The following KSR2 variants were observed in gnomAD, a reference collection of about 807,000 sequenced individuals.
The protein encoded by KSR2 is kinase suppressor of ras 2.
In KSR2, 25 loss-of-function variants were observed where a neutral mutation model predicts 107.8. The ratio of observed to expected loss-of-function variants is 0.23; its 90% CI spans 0.17 to 0.32. KSR2 has a LOEUF of 0.32. KSR2 is among the 10% of genes least tolerant of loss of function. KSR2 has a pLI of 1.00. For synonymous variants in KSR2, 480 were observed against 507.0 expected (o/e 0.95, Z 0.71); for missense variants, 887 against 1,268.9 (o/e 0.70, Z 4.57).
At chr12:117,494,921 G>T (rs766966784) in intron 14 of KSR2, among the ~76,000 whole-genome samples, 13 of 152,228 alleles carry the variant, frequency 8.5e-5, no homozygotes, top group Non-Finnish European at 1.5e-4. Context: ...AAGGCCCTGA[G>T]GTAGGACAAC....
At chr12:117,828,755 T>C (rs77797793) in intron 3 of KSR2, among the ~76,000 whole-genome samples, 1,654 of 152,274 alleles carry the variant, frequency 0.011, 36 homozygotes, top group African/African-American at 0.038. Context: ...CACCTGGATG[T>C]CCCTCTGAAA....
At chr12:117,956,145 G>C (rs964621716) in intron 1 of KSR2, among the ~76,000 whole-genome samples, 1 of 150,604 alleles carries the variant, frequency 6.6e-6, no homozygotes. Flanking sequence ...AGCTACTCGG[G>C]AGGCTAAGGC....
chr12:117,883,057 CTCCATTCATCTATCCA>C (rs1175148129), intron 1 of KSR2, among the ~76,000 whole-genome samples: 3 of 151,986 alleles, frequency 2.0e-5, no homozygotes, highest in African/African-American at 7.2e-5. Context: ...CCCTCCCTCC[CTCCATTCATCTATCCA>C]TCCATTCATC....
intron 7 of KSR2, among the ~76,000 whole-genome samples, chr12:117,573,486 G>T (rs918030146): frequency 1.3e-5 from 2 of 150,094 alleles, no homozygotes; most frequent in Non-Finnish European, 3.0e-5. Context: ...AAATATAGGC[G>T]TGTCTGACCG....
chr12:117,938,823 G>C (rs183825795), intron 1 of KSR2, among the ~76,000 whole-genome samples: 120 of 152,244 alleles, frequency 7.9e-4, no homozygotes, highest in African/African-American at 2.8e-3. Flanking sequence ...CCAAAGCTAT[G>C]ACGCTGCTTC....
At chr12:117,515,514 C>A (rs956369740) in intron 14 of KSR2, among the ~76,000 whole-genome samples, 2 of 152,122 alleles carry the variant, frequency 1.3e-5, no homozygotes, top group Non-Finnish European at 2.9e-5. Flanking sequence ...TAGCTGAGAT[C>A]CTTGCTCTCC....
At chr12:117,617,487 C>T (rs961922612) in intron 5 of KSR2, among the ~76,000 whole-genome samples, 8 of 152,098 alleles carry the variant, frequency 5.3e-5, no homozygotes, top group Non-Finnish European at 1.0e-4. Flanking sequence ...AATTAAAGTT[C>T]ATGTCTTATA....
intron 3 of KSR2, among the ~76,000 whole-genome samples, chr12:117,793,698 ACATGCACACAC>A (rs1407279388): frequency 1.7e-4 from 24 of 144,628 alleles, no homozygotes; most frequent in Non-Finnish European, 1.1e-4. Flanking sequence ...CACACATACA[ACATGCACACAC>A]CATGCACACT....
intron 1 of KSR2, among the ~76,000 whole-genome samples, chr12:117,964,521 G>C (rs893973448): frequency 6.6e-6 from 1 of 152,164 alleles, no homozygotes; most frequent in Non-Finnish European, 1.5e-5. Flanking sequence ...ACATACTTTG[G>C]AAATGCTACT....
intron 3 of KSR2, among the ~76,000 whole-genome samples, chr12:117,795,436 C>G (rs116318133): frequency 0.035 from 5,285 of 152,150 alleles, 297 homozygotes; most frequent in African/African-American, 0.12. Flanking sequence ...GACTGGAATG[C>G]CAGAAGAGCA....
chr12:117,583,364 G>GAT (rs1347871490), intron 5 of KSR2, among the ~76,000 whole-genome samples: 1 of 150,506 alleles, frequency 6.6e-6, no homozygotes, highest in East Asian at 2.0e-4. Context: ...TGAGTGAGTG[G>GAT]GTGGGTGGGT....
intron 5 of KSR2, among the ~76,000 whole-genome samples, chr12:117,601,955 T>C (rs1880980924): frequency 6.6e-6 from 1 of 152,210 alleles, no homozygotes; most frequent in Admixed American, 6.5e-5. Flanking sequence ...TTTTAGACTT[T>C]GCGGCCTATA....
intron 5 of KSR2, among the ~76,000 whole-genome samples, chr12:117,662,569 G>T (rs1046873196): frequency 2.0e-5 from 3 of 152,322 alleles, no homozygotes; most frequent in Admixed American, 6.5e-5. Context: ...GCTTAGAGTA[G>T]GGATGAGCAG....
At chr12:117,822,164 A>G (rs563942144) in intron 3 of KSR2, among the ~76,000 whole-genome samples, 5 of 152,342 alleles carry the variant, frequency 3.3e-5, no homozygotes, top group Admixed American at 1.3e-4. Context: ...GGCATGAATA[A>G]TCCACCCCTT....
intron 1 of KSR2, among the ~76,000 whole-genome samples, chr12:117,951,395 A>G (rs1464213713): frequency 6.6e-6 from 1 of 152,188 alleles, no homozygotes; most frequent in African/African-American, 2.4e-5. Context: ...AACAACGTCC[A>G]TAAGTACCCA....
chr12:117,620,629 T>A (rs547123860), intron 5 of KSR2, among the ~76,000 whole-genome samples: 1 of 152,326 alleles, frequency 6.6e-6, no homozygotes, highest in African/African-American at 2.4e-5. Flanking sequence ...CTGATAGAGA[T>A]GAATTAGGTT....
At chr12:117,546,314 T>TCAAA (rs1342600573) in intron 9 of KSR2, among the ~76,000 whole-genome samples, 1 of 152,198 alleles carries the variant, frequency 6.6e-6, no homozygotes, top group Non-Finnish European at 1.5e-5. Flanking sequence ...CTCCATGGTT[T>TCAAA]CTGATGAGAA....
intron 4 of KSR2, among the ~76,000 whole-genome samples, chr12:117,678,102 ATTTTTTTT>A (rs35096843): frequency 7.8e-6 from 1 of 127,544 alleles, no homozygotes; most frequent in African/African-American, 2.9e-5. Flanking sequence ...AGCCCAGCTA[ATTTTTTTT>A]TTTTTTTTTT....
intron 5 of KSR2, among the ~76,000 whole-genome samples, chr12:117,610,016 C>T (rs1881506325): frequency 6.6e-6 from 1 of 152,166 alleles, no homozygotes; most frequent in Non-Finnish European, 1.5e-5. Flanking sequence ...AACTGAGACA[C>T]AGGGACGCAT....
Sources: gnomAD v4.1 joint callset for allele counts (sites outside exome capture counted in the v4.1 genomes callset) on GRCh38, gnomAD v4.1.1 for gene constraint, MANE v1.5 for transcripts, NCBI Gene and HGNC (gene_info 2026-07-23, HGNC 2026-07-21) for gene names.